ADARB2: variants seen among roughly 807,000 people sequenced by gnomAD.
ADARB2 encodes adenosine deaminase RNA specific B2 (inactive).
ADARB2 carries 25 observed loss-of-function variants against 62.2 expected under a neutral mutation model. The observed-to-expected ratio is 0.40, with a 90% CI of 0.29 to 0.56. The LOEUF (loss-of-function observed/expected upper bound fraction) is 0.56. Among genes scored for constraint, ADARB2 ranks in the 20% least tolerant of loss-of-function variants. The pLI is 0.43. For synonymous variants in ADARB2, 572 were observed against 500.8 expected, an observed-to-expected ratio of 1.14 and a Z score of -1.90; for missense variants, 1,071 against 1,077.4, an observed-to-expected ratio of 0.99 and a Z score of 0.08.
chr10:1,330,490 C>T (rs1336275684), intron 3 of ADARB2, among the ~76,000 whole-genome samples: 3 of 152,200 alleles, frequency 2.0e-5, no homozygotes, highest in Non-Finnish European at 4.4e-5. Flanking sequence ...TGATAAACAG[C>T]ATCTACAAAA....
At chr10:1,733,556 T>C (rs1178879289) in intron 1 of ADARB2, among the ~76,000 whole-genome samples, 1 of 152,214 alleles carries the variant, frequency 6.6e-6, no homozygotes, top group East Asian at 1.9e-4. Flanking sequence ...TATTGGCATA[T>C]TTTAAAGTGA....
At chr10:1,490,682 T>G (rs1423526814) in intron 1 of ADARB2, among the ~76,000 whole-genome samples, 1 of 152,196 alleles carries the variant, frequency 6.6e-6, no homozygotes, top group East Asian at 1.9e-4. Flanking sequence ...CTTGAACTCC[T>G]GACCTCAAGT....
At chr10:1,379,370 C>G (rs1832462081) in intron 1 of ADARB2, among the ~76,000 whole-genome samples, 1 of 152,232 alleles carries the variant, frequency 6.6e-6, no homozygotes, top group Non-Finnish European at 1.5e-5. Flanking sequence ...TCTACGATTT[C>G]CTTCTTTCTC....
chr10:1,356,965 C>T (rs996934168), intron 3 of ADARB2, among the ~76,000 whole-genome samples: 3 of 152,196 alleles, frequency 2.0e-5, no homozygotes, highest in Non-Finnish European at 4.4e-5. Flanking sequence ...AAATGACGTT[C>T]GTTTTAACCC....
intron 1 of ADARB2, among the ~76,000 whole-genome samples, chr10:1,585,625 A>G (rs549642375): frequency 1.3e-5 from 2 of 152,302 alleles, no homozygotes; most frequent in East Asian, 3.9e-4. Context: ...GTGAAAAGCT[A>G]CCTATGACCT....
At chr10:1,211,857 A>C (rs4880792) in intron 7 of ADARB2, among the ~76,000 whole-genome samples, 64,242 of 152,056 alleles carry the variant, frequency 0.42, 13,802 homozygotes, top group African/African-American at 0.49. Context: ...GTGAGTTTTG[A>C]GTACCTGTTA....
chr10:1,251,067 C>T (rs1411646652), intron 4 of ADARB2, among the ~76,000 whole-genome samples: 1 of 152,192 alleles, frequency 6.6e-6, no homozygotes, highest in East Asian at 1.9e-4. Context: ...TTATCTGACA[C>T]CATGTACCAG....
intron 1 of ADARB2, among the ~76,000 whole-genome samples, chr10:1,650,730 C>T (rs1050592198): frequency 7.2e-5 from 11 of 152,146 alleles, no homozygotes; most frequent in Non-Finnish European, 1.2e-4. Flanking sequence ...ACTGCAGTCC[C>T]GGATAGGGGA....
chr10:1,690,381 A>G (rs1834653165), intron 1 of ADARB2, among the ~76,000 whole-genome samples: 1 of 152,202 alleles, frequency 6.6e-6, no homozygotes, highest in Non-Finnish European at 1.5e-5. Context: ...TGGGTGTAGA[A>G]TTGCTGATCC....
chr10:1,699,245 C>G (rs1331569550), intron 1 of ADARB2, among the ~76,000 whole-genome samples: 1 of 115,182 alleles, frequency 8.7e-6, no homozygotes, highest in African/African-American at 3.4e-5. Context: ...CGCCAATACA[C>G]TCAATCCCAC....
intron 1 of ADARB2, among the ~76,000 whole-genome samples, chr10:1,461,295 G>C (rs894482013): frequency 6.6e-6 from 1 of 152,152 alleles, no homozygotes; most frequent in Non-Finnish European, 1.5e-5. Context: ...AGGAGAACTT[G>C]TCCTATTGTC....
At chr10:1,640,229 T>C (rs10903519) in intron 1 of ADARB2, among the ~76,000 whole-genome samples, 80,413 of 151,728 alleles carry the variant, frequency 0.53, 23,134 homozygotes, top group Non-Finnish European at 0.65. Flanking sequence ...TCGTTTTCCT[T>C]GGACAATTAT....
intron 3 of ADARB2, among the ~76,000 whole-genome samples, chr10:1,312,609 T>G (rs1831702305): frequency 6.6e-6 from 1 of 152,216 alleles, no homozygotes; most frequent in Admixed American, 6.5e-5. Context: ...CACATCTCCC[T>G]TTGGCTGTCA....
At chr10:1,413,894 T>A (rs1191771789) in intron 1 of ADARB2, among the ~76,000 whole-genome samples, 1 of 152,066 alleles carries the variant, frequency 6.6e-6, no homozygotes, top group African/African-American at 2.4e-5. Flanking sequence ...TGGGGATGAG[T>A]TCAGTTAAGC....
intron 3 of ADARB2, among the ~76,000 whole-genome samples, chr10:1,338,679 G>A (rs1234509775): frequency 6.6e-6 from 1 of 151,760 alleles, no homozygotes; most frequent in Non-Finnish European, 1.5e-5. Flanking sequence ...TCCTACGTGG[G>A]CCAGCTCACA....
intron 4 of ADARB2, among the ~76,000 whole-genome samples, chr10:1,258,211 A>G (rs1211975132): frequency 6.6e-6 from 1 of 152,254 alleles, no homozygotes; most frequent in South Asian, 2.1e-4. Context: ...TAAGGTAAAT[A>G]TAAGAATATT....
intron 1 of ADARB2, among the ~76,000 whole-genome samples, chr10:1,634,065 T>C (rs1274400183): frequency 6.6e-6 from 1 of 152,168 alleles, no homozygotes; most frequent in African/African-American, 2.4e-5. Flanking sequence ...CTGTGGCTCC[T>C]GGGGCCCCTC....
In ADARB2 at chr10:1,233,841, G is replaced by C. The variant is rs376850087; in HGVS notation, c.1366C>G (p.Arg456Gly). The C allele has an allele frequency of 6.2e-7, 1 of 1,612,902 alleles. No homozygotes were observed. ...ATCGATCGCTCTGAGTCCTCGCGCC[G>C]CTTGCTAGGGTCACAAAGAGGTTTG... ...YTQLELHLSK[R>G]REDSERSIFV... The change falls in exon 6 of 10, where the codon CGG becomes GGG. Residue 456 changes from arginine (R) to glycine (G), a missense_variant. Coordinates refer to ENST00000381312, the MANE Select transcript of ADARB2 (RefSeq NM_018702.4).
intron 1 of ADARB2, among the ~76,000 whole-genome samples, chr10:1,562,431 G>A (rs967611882): frequency 6.8e-6 from 1 of 147,078 alleles, no homozygotes; most frequent in Non-Finnish European, 1.5e-5. Context: ...GGGAGAAAAG[G>A]TTCCCAGCAT....
Sources: gnomAD v4.1 joint callset for allele counts (sites outside exome capture counted in the v4.1 genomes callset) on GRCh38, gnomAD v4.1.1 for gene constraint, MANE v1.5 for transcripts, NCBI Gene and HGNC (gene_info 2026-07-23, HGNC 2026-07-21) for gene names.